Variants in SPATA1 observed in about 807,000 individuals in gnomAD.
SPATA1 encodes spermatogenesis associated 1.
A neutral mutation model predicts 59.6 loss-of-function variants in SPATA1; 57 were observed. The observed-to-expected ratio is 0.96, with a 90% CI of 0.77 to 1.19. SPATA1 has a LOEUF of 1.19. Ranked by LOEUF, SPATA1 falls within the 50% of genes most tolerant of loss-of-function variation. The probability of loss-of-function intolerance (pLI) is 0.00; values close to 1 mark genes in which losing one functional copy is unlikely to be tolerated. For synonymous variants in SPATA1, 147 were observed against 163.9 expected, an observed-to-expected ratio of 0.90 and a Z score of 0.79; for missense variants, 448 against 480.7, an observed-to-expected ratio of 0.93 and a Z score of 0.64.
chr1:84,545,254 CAT>C (rs1238233159), intron 9 of SPATA1, among the ~76,000 whole-genome samples: 5 of 148,106 alleles, frequency 3.4e-5, no homozygotes, highest in East Asian at 2.0e-4. Context: ...ATATATATAT[CAT>C]ATATATATAA....
intron 5 of SPATA1, 40 bp from the exon 6 acceptor site, chr1:84,525,805 T>G (rs2292808): frequency 0.18 from 291,910 of 1,606,452 alleles, 27,972 homozygotes; most frequent in South Asian, 0.3. Context: ...GCACTGCTTT[T>G]AATTGCAAAC....
exon 12 of SPATA1, chr1:84,550,479 G>A: frequency 6.4e-7 from 1 of 1,569,592 alleles, no homozygotes; most frequent in African/African-American, 1.4e-5. Flanking sequence ...CAATTGACCA[G>A]CTTAAGAGAA....
exon 5 of SPATA1, chr1:84,525,711 G>A (rs1010729388): frequency 1.4e-5 from 22 of 1,587,016 alleles, no homozygotes; most frequent in Middle Eastern, 1.7e-4. Context: ...GGAAAAGCAA[G>A]AATCAGAACT....
intron 6 of SPATA1, 194 bp downstream of exon 6, chr1:84,526,267 A>G: frequency 2.1e-6 from 1 of 471,572 alleles, no homozygotes; most frequent in Non-Finnish European, 3.8e-6. Context: ...TTTAAGTACT[A>G]TGTTAAAATA....
At chr1:84,516,848 C>T (rs1682813521) in intron 2 of SPATA1, among the ~76,000 whole-genome samples, 2 of 152,110 alleles carry the variant, frequency 1.3e-5, no homozygotes, top group African/African-American at 2.4e-5. Flanking sequence ...TGTATACCAT[C>T]GTAAGTACCA....
intron 8 of SPATA1, among the ~76,000 whole-genome samples, chr1:84,536,929 G>C (rs1326054115): frequency 2.1e-5 from 3 of 143,676 alleles, no homozygotes; most frequent in Non-Finnish European, 3.0e-5. Flanking sequence ...GCCTAGGCTA[G>C]AGTGCAGTGA....
intron 1 of SPATA1, among the ~76,000 whole-genome samples, chr1:84,515,350 T>C (rs1476972084): frequency 6.6e-6 from 1 of 151,504 alleles, no homozygotes; most frequent in Non-Finnish European, 1.5e-5. Context: ...GACTGTATAT[T>C]TCAGGAAATA....
chr1:84,557,616 G>C (rs948347182), downstream of SPATA1, among the ~76,000 whole-genome samples: 1 of 151,330 alleles, frequency 6.6e-6, no homozygotes, highest in African/African-American at 2.4e-5. Flanking sequence ...AGCCCTTTGG[G>C]AGGCCGAGAT....
chr1:84,509,491 TG>T (rs1682442135), intron 1 of SPATA1, among the ~76,000 whole-genome samples: 1 of 152,218 alleles, frequency 6.6e-6, no homozygotes, highest in Non-Finnish European at 1.5e-5. Flanking sequence ...AGTTGGGGCA[TG>T]GTGGCTTACA....
At chr1:84,522,280 C>A in intron 3 of SPATA1, 110 bp from the exon 4 acceptor site, 1 of 522,672 alleles carries the variant, frequency 1.9e-6, no homozygotes, top group Non-Finnish European at 3.2e-6. Flanking sequence ...CTATATCTGA[C>A]ACATTAAATC....
chr1:84,551,348 T>C, intron 12 of SPATA1: 2 of 821,922 alleles, frequency 2.4e-6, no homozygotes, highest in South Asian at 5.6e-5. Context: ...ATCAGTACTG[T>C]CCTCGGTTTC....
intron 1 of SPATA1, among the ~76,000 whole-genome samples, chr1:84,510,550 A>G (rs1159945860): frequency 1.3e-5 from 2 of 152,212 alleles, no homozygotes; most frequent in Non-Finnish European, 2.9e-5. Context: ...ACTCTTGTAC[A>G]CTGTTGGTGA....
At chr1:84,531,457 C>A (rs113125621) in intron 6 of SPATA1, among the ~76,000 whole-genome samples, 2,027 of 152,158 alleles carry the variant, frequency 0.013, 44 homozygotes, top group African/African-American at 0.045. Context: ...GCCGCCATAC[C>A]CAGCCTCTGT....
chr1:84,531,249 G>A (rs1044869132), intron 6 of SPATA1, among the ~76,000 whole-genome samples: 2 of 152,016 alleles, frequency 1.3e-5, no homozygotes, highest in Non-Finnish European at 2.9e-5. Flanking sequence ...TGCAGTGTCT[G>A]CCTCCTGGAT....
intron 9 of SPATA1, 28 bp from the exon 10 acceptor site, chr1:84,545,606 T>C (rs771935399): frequency 1.7e-5 from 25 of 1,486,492 alleles, no homozygotes; most frequent in Non-Finnish European, 2.1e-5. Flanking sequence ...TTTGAGACAT[T>C]GATGAATATG....
chr1:84,519,571 A>G (rs1412367382), intron 2 of SPATA1, among the ~76,000 whole-genome samples: 1 of 152,096 alleles, frequency 6.6e-6, no homozygotes, highest in East Asian at 1.9e-4. Context: ...TTTTGCAAAT[A>G]TTTAATAGTA....
intron 4 of SPATA1, among the ~76,000 whole-genome samples, chr1:84,523,632 A>G (rs567125207): frequency 2.6e-5 from 4 of 152,246 alleles, no homozygotes; most frequent in Admixed American, 2.0e-4. Flanking sequence ...AAAAATAGGC[A>G]TTTTCTTCCA....
chr1:84,559,906 G>A (rs559770737), intron 4 of SPATA1, among the ~76,000 whole-genome samples: 39 of 151,968 alleles, frequency 2.6e-4, no homozygotes, highest in African/African-American at 8.7e-4. Context: ...CCTACATAGT[G>A]AAACCCCATC....
intron 8 of SPATA1, among the ~76,000 whole-genome samples, chr1:84,543,387 A>G (rs569490832): frequency 6.6e-6 from 1 of 152,322 alleles, no homozygotes; most frequent in South Asian, 2.1e-4. Context: ...TTATAAAGAA[A>G]AGAGGTTTAA....
Sources: gnomAD v4.1 joint callset for allele counts (sites outside exome capture counted in the v4.1 genomes callset) on GRCh38, gnomAD v4.1.1 for gene constraint, MANE v1.5 for transcripts, NCBI Gene and HGNC (gene_info 2026-07-23, HGNC 2026-07-21) for gene names.